Variants in RBFOX3 observed in about 807,000 individuals in gnomAD.
The protein encoded by RBFOX3 is RNA binding protein fox-1 homolog 3.
RBFOX3 carries 17 observed loss-of-function variants against 48.7 expected under a neutral mutation model. That is an observed-to-expected ratio of 0.35 (90% CI 0.24 to 0.52). The LOEUF (loss-of-function observed/expected upper bound fraction) is 0.52. RBFOX3 is among the 20% of genes least tolerant of loss of function. RBFOX3 has a pLI of 0.94. For synonymous variants in RBFOX3, 212 were observed against 209.5 expected (o/e 1.01, Z -0.10); for missense variants, 382 against 497.5 (o/e 0.77, Z 2.21).
chr17:79,581,341 C>T (rs1180492369), intron 1 of RBFOX3, among the ~76,000 whole-genome samples: 1 of 152,206 alleles, frequency 6.6e-6, no homozygotes, highest in East Asian at 1.9e-4. Flanking sequence ...TTTGCAGAAA[C>T]AAGAAGGAAG....
intron 1 of RBFOX3, among the ~76,000 whole-genome samples, chr17:79,573,500 C>T (rs927428838): frequency 1.5e-3 from 227 of 152,278 alleles, no homozygotes; most frequent in African/African-American, 4.9e-3. Context: ...CTCTGGTCTG[C>T]AGAGGGGCTC....
chr17:79,149,333 C>T (rs2043787055), intron 4 of RBFOX3, among the ~76,000 whole-genome samples: 1 of 152,068 alleles, frequency 6.6e-6, no homozygotes, highest in South Asian at 2.1e-4. Flanking sequence ...CAGATGCAGG[C>T]AGTGGGGGGA....
the RBFOX3 span, among the ~76,000 whole-genome samples, chr17:79,652,567 G>A: frequency 1.0e-5 from 1 of 96,064 alleles, no homozygotes; most frequent in African/African-American, 4.1e-5. Context: ...GGAAGGAAAG[G>A]AAAGGAAAGG....
chr17:79,293,508 A>C (rs2073806388), intron 3 of RBFOX3, among the ~76,000 whole-genome samples: 1 of 147,202 alleles, frequency 6.8e-6, no homozygotes, highest in Non-Finnish European at 1.5e-5. Flanking sequence ...GCTGGAGTGC[A>C]GTGGCACAAT....
At chr17:79,366,533 A>G (rs1329324352) in intron 2 of RBFOX3, among the ~76,000 whole-genome samples, 1 of 152,228 alleles carries the variant, frequency 6.6e-6, no homozygotes, top group Non-Finnish European at 1.5e-5. Context: ...AAATCAAAAC[A>G]TCATGAATAG....
intron 1 of RBFOX3, among the ~76,000 whole-genome samples, chr17:79,577,066 G>C (rs1423218296): frequency 2.6e-5 from 4 of 152,266 alleles, no homozygotes; most frequent in Admixed American, 2.0e-4. Context: ...ACGACTCACA[G>C]CATGGAGGTC....
chr17:79,424,663 G>A (rs1350815075), intron 2 of RBFOX3, among the ~76,000 whole-genome samples: 2 of 152,034 alleles, frequency 1.3e-5, no homozygotes, highest in African/African-American at 4.8e-5. Context: ...CTCCCCTCTG[G>A]CCTCAGGCAG....
chr17:79,159,728 TACAC>T (rs956517540), intron 4 of RBFOX3, among the ~76,000 whole-genome samples: 1 of 144,932 alleles, frequency 6.9e-6, no homozygotes, highest in Non-Finnish European at 1.5e-5. Flanking sequence ...ACCCATCACT[TACAC>T]ACACACATTG....
rs78424742 is a variant in RBFOX3, at chr17:79,269,018, T to C, written c.-73-33213A>G. Among the ~76,000 whole-genome samples, 493 of 152,368 alleles carry C rather than the reference T, an allele frequency of 3.2e-3. 1 individual carries two copies. Among genetic ancestry groups the C allele is most frequent in the African/African-American group, 0.011 (474 of 41,588 alleles). On this transcript the variant is annotated intron_variant, in intron 3 of 14. Coordinates refer to ENST00000693108, the MANE Select transcript of RBFOX3 (RefSeq NM_001350451.2). ...CTCAGAATGTGACCTCATTTGGAAATAGGATCTTTGCAGTTAGCTAAGATC... is the reference window on the plus strand; with the variant it reads ...CTCAGAATGTGACCTCATTTGGAAACAGGATCTTTGCAGTTAGCTAAGATC...
At chr17:79,384,424 A>G (rs2060312555) in intron 2 of RBFOX3, among the ~76,000 whole-genome samples, 1 of 152,100 alleles carries the variant, frequency 6.6e-6, no homozygotes, top group Middle Eastern at 3.4e-3. Flanking sequence ...CTGGGAGTAC[A>G]TTTCCTGGCC....
Position 79,423,983 on chromosome 17 carries a change from G to A in RBFOX3, c.-175+58471C>T, listed in dbSNP as rs1344849447. 1.3e-5 allele frequency: 2 copies of A among 152,906 alleles called. No homozygotes were observed. The highest frequency in any genetic ancestry group is 4.8e-5 in the African/African-American group (2 of 41,426). The allele number at this position is 152,906 out of a possible 1,614,324, so 9.5% of individuals were successfully genotyped here. On this transcript the variant is annotated intron_variant, in intron 2 of 14. Coordinates refer to ENST00000693108, the MANE Select transcript of RBFOX3 (RefSeq NM_001350451.2). The surrounding 1 kb of genome is among the most constrained non-coding windows in gnomAD (Gnocchi z 4.9). ...CCAGCCAGCCTGCAGCCCTAGCCCAGGCACCCCTTCATCCAAGGAGACCTC... is the reference window on the plus strand; with the variant it reads ...CCAGCCAGCCTGCAGCCCTAGCCCAAGCACCCCTTCATCCAAGGAGACCTC...
chr17:79,594,387 C>T (rs2145173228), intron 1 of RBFOX3, among the ~76,000 whole-genome samples: 1 of 152,282 alleles, frequency 6.6e-6, no homozygotes, highest in African/African-American at 2.4e-5. Context: ...GCACCCAGGC[C>T]ATAGCAAGGA....
rs1360055642 is a variant in RBFOX3, at chr17:79,362,160, C to T, written c.-174-54336G>A. ...CAGCCCTCCACGGGCCACGGCCAAG[C>T]GCTGAGCCAACAGAGTTTGCCTCCT... On this transcript the variant is annotated intron_variant, in intron 2 of 14. Coordinates refer to ENST00000693108, the MANE Select transcript of RBFOX3 (RefSeq NM_001350451.2). The surrounding 1 kb of genome is among the most constrained non-coding windows in gnomAD (Gnocchi z 4.2). Among the ~76,000 whole-genome samples the T allele has an allele frequency of 2.0e-5, 3 of 152,222 alleles. No individual in the cohort carries two copies. The highest frequency in any genetic ancestry group is 6.5e-5 in the Admixed American group (1 of 15,286).
At chr17:79,170,098 A>AGG (rs1482626029) in intron 4 of RBFOX3, among the ~76,000 whole-genome samples, 9 of 142,360 alleles carry the variant, frequency 6.3e-5, no homozygotes, top group Admixed American at 4.2e-4. Context: ...GAAGGATGGA[A>AGG]AGCAGGAAAG....
intron 2 of RBFOX3, among the ~76,000 whole-genome samples, chr17:79,375,141 A>T (rs2059061754): frequency 6.6e-6 from 1 of 152,238 alleles, no homozygotes; most frequent in African/African-American, 2.4e-5. Context: ...GGGAGCAGGA[A>T]CACGGTCCTC....
At chr17:79,382,692 G>A (rs1482891197) in intron 2 of RBFOX3, among the ~76,000 whole-genome samples, 1 of 152,206 alleles carries the variant, frequency 6.6e-6, no homozygotes, top group Admixed American at 6.5e-5. Flanking sequence ...CAGCATCCTC[G>A]CAAACAGCTT....
Position 79,096,777 on chromosome 17 carries a change from C to T in RBFOX3, c.812G>A (p.Cys271Tyr). ...MPVPWAGLAP[C>Y]PLPPQQTPEP... is the part of the protein sequence containing the mutation. ...CGGTGTCTGCTGAGGAGGGAGGGGGCACGGTGCCAGCCCCGCCCATGGGAC... is the reference window on the plus strand; with the variant it reads ...CGGTGTCTGCTGAGGAGGGAGGGGGTACGGTGCCAGCCCCGCCCATGGGAC... The change falls in exon 12 of 15, where the codon TGC becomes TAC. Residue 271 changes from cysteine to tyrosine, a missense_variant. By Grantham distance (194) the Cys-to-Tyr change is radical (BLOSUM62 -2). Around this residue, in one of 3 missense-constraint regions of RBFOX3, gnomAD observed 215 missense variants for 254.8 expected, o/e 0.84. Transcript: ENST00000693108. 1 of 1,256,776 alleles carries T rather than the reference C, an allele frequency of 8.0e-7. No individual in the cohort carries two copies. Among genetic ancestry groups the T allele is most frequent in the South Asian group, 1.3e-5 (1 of 78,128 alleles). 77.9% of individuals were successfully genotyped at this position (1,256,776 alleles called of 1,614,324 possible). A position where few individuals can be genotyped will look rare whatever the true frequency, so the allele number is the denominator to read the frequency against.
At chr17:79,432,616 G>T (rs1008131457) in intron 2 of RBFOX3, among the ~76,000 whole-genome samples, 2 of 152,028 alleles carry the variant, frequency 1.3e-5, no homozygotes, top group East Asian at 3.9e-4. Context: ...TTATTCTTCC[G>T]TCCTTCTCAT....
intron 2 of RBFOX3, among the ~76,000 whole-genome samples, chr17:79,449,700 G>A (rs1284582377): frequency 6.7e-6 from 1 of 150,080 alleles, no homozygotes; most frequent in African/African-American, 2.4e-5. Context: ...GCTGGTGGAC[G>A]TTACATTCCG....
Sources: allele counts gnomAD v4.1 joint callset (sites outside exome capture counted in the v4.1 genomes callset), GRCh38; gene constraint gnomAD v4.1.1; regional missense constraint gnomAD v4.1.1; non-coding constraint Gnocchi (gnomAD v3.1); transcripts MANE v1.5; gene names NCBI Gene and HGNC (gene_info 2026-07-23, HGNC 2026-07-21).